The following HECW1 variants were observed in gnomAD, a reference collection of about 807,000 sequenced individuals.
HECW1 encodes the protein E3 ubiquitin-protein ligase HECW1.
In HECW1, 61 loss-of-function variants were observed where a neutral mutation model predicts 182.3. The observed-to-expected ratio is 0.33, with a 90% CI of 0.27 to 0.41. The LOEUF is 0.41. Ranked by LOEUF, HECW1 falls within the 10% of genes least tolerant of loss-of-function variation. The probability of loss-of-function intolerance (pLI) is 1.00; values close to 1 mark genes in which losing one functional copy is unlikely to be tolerated. For missense variants in HECW1, 1,739 were observed against 2,108.9 expected, an observed-to-expected ratio of 0.82 and a Z score of 3.44; for synonymous variants, 859 against 832.6, an observed-to-expected ratio of 1.03 and a Z score of -0.55.
intron 19 of HECW1, among the ~76,000 whole-genome samples, chr7:43,494,506 AT>A (rs5883869): frequency 0.022 from 3,242 of 145,008 alleles, 73 homozygotes; most frequent in African/African-American, 0.061. Context: ...TAAAGTCAAG[AT>A]TTTTTTTTTT....
chr7:43,377,945 T>C (rs1215298674), intron 6 of HECW1: 1 of 184,866 alleles, frequency 5.4e-6, no homozygotes, highest in Non-Finnish European at 1.1e-5. Context: ...TCCAAGGAGG[T>C]TAGTAGACCC....
At chr7:43,508,806 C>A in intron 23 of HECW1, 163 bp from the exon 24 acceptor site, 1 of 679,404 alleles carries the variant, frequency 1.5e-6, no homozygotes, top group Non-Finnish European at 2.6e-6. Flanking sequence ...TCATTTTCTA[C>A]AGCAAATTGA....
At chr7:43,420,042 A>C (rs184177000) in intron 8 of HECW1, among the ~76,000 whole-genome samples, 1 of 152,380 alleles carries the variant, frequency 6.6e-6, no homozygotes, top group Non-Finnish European at 1.5e-5. Context: ...AGGTAAAAAC[A>C]CCTTCAAATA....
intron 8 of HECW1, among the ~76,000 whole-genome samples, chr7:43,434,041 T>TA (rs879556485): frequency 3.2e-4 from 49 of 151,384 alleles, no homozygotes; most frequent in South Asian, 6.3e-4. Flanking sequence ...ATCCTTTTTT[T>TA]TAAAAAAAAA....
chr7:43,226,859 T>C (rs918352854), intron 2 of HECW1, among the ~76,000 whole-genome samples: 1 of 152,200 alleles, frequency 6.6e-6, no homozygotes, highest in East Asian at 1.9e-4. Context: ...CAGGGCAGCC[T>C]GCAGAGGATG....
chr7:43,331,810 T>C (rs1251688867), intron 5 of HECW1, among the ~76,000 whole-genome samples: 1 of 152,118 alleles, frequency 6.6e-6, no homozygotes, highest in African/African-American at 2.4e-5. Context: ...TGGTAGGTGG[T>C]GGAGCTGGGA....
chr7:43,244,830 T>A (rs955115559), intron 3 of HECW1, among the ~76,000 whole-genome samples: 7 of 152,220 alleles, frequency 4.6e-5, no homozygotes, highest in African/African-American at 1.4e-4. Flanking sequence ...CTTTGCAAAT[T>A]TATTAAGCAC....
intron 7 of HECW1, among the ~76,000 whole-genome samples, chr7:43,402,951 T>G (rs1178341233): frequency 1.3e-5 from 2 of 152,236 alleles, no homozygotes; most frequent in Non-Finnish European, 2.9e-5. Context: ...TACAAATATA[T>G]TGGAGACAAC....
chr7:43,113,288 G>A (rs1008890671), intron 1 of HECW1, among the ~76,000 whole-genome samples: 1 of 152,200 alleles, frequency 6.6e-6, no homozygotes, highest in Admixed American at 6.5e-5. Context: ...CAGGGGAGGG[G>A]GCGGAGAGAC....
intron 5 of HECW1, among the ~76,000 whole-genome samples, chr7:43,342,585 C>T (rs974220218): frequency 2.6e-5 from 4 of 151,760 alleles, no homozygotes; most frequent in African/African-American, 2.4e-5. Context: ...TCCATTCCTC[C>T]TTCTAGATAA....
At chr7:43,380,054 C>T (rs184159479) in intron 6 of HECW1, among the ~76,000 whole-genome samples, 2 of 152,182 alleles carry the variant, frequency 1.3e-5, no homozygotes, top group East Asian at 1.9e-4. Context: ...GGCCTTGGGC[C>T]TCAATTTCTC....
chr7:43,511,759 C>T (rs1472729553), intron 24 of HECW1: 1 of 175,374 alleles, frequency 5.7e-6, no homozygotes, highest in Admixed American at 6.3e-5. Flanking sequence ...ACAAACAAAA[C>T]ATGCAGGTTT....
intron 2 of HECW1, among the ~76,000 whole-genome samples, chr7:43,182,390 C>A (rs10215321): frequency 0.23 from 34,379 of 152,146 alleles, 4,137 homozygotes; most frequent in Middle Eastern, 0.26. Flanking sequence ...GTTTTCCCAG[C>A]CCCATTTACT....
At chr7:43,430,300 A>T (rs1381873880) in intron 8 of HECW1, among the ~76,000 whole-genome samples, 1 of 152,138 alleles carries the variant, frequency 6.6e-6, no homozygotes, top group Non-Finnish European at 1.5e-5. Flanking sequence ...GCAATAATGG[A>T]TCCCCTTATT....
At chr7:43,293,710 G>C (rs1019906428) in intron 3 of HECW1, among the ~76,000 whole-genome samples, 2 of 152,150 alleles carry the variant, frequency 1.3e-5, no homozygotes, top group Non-Finnish European at 2.9e-5. Context: ...GTAGGATTTT[G>C]TTTTTTAAAT....
At chr7:43,552,367 G>T in intron 28 of HECW1, 31 bp downstream of exon 28, 1 of 1,248,056 alleles carries the variant, frequency 8.0e-7, no homozygotes, top group Non-Finnish European at 1.2e-6. Flanking sequence ...ATGATGCAAT[G>T]ATCACAAATA....
At chr7:43,190,340 C>T (rs529296721) in intron 2 of HECW1, among the ~76,000 whole-genome samples, 35 of 152,280 alleles carry the variant, frequency 2.3e-4, no homozygotes, top group African/African-American at 7.9e-4. Flanking sequence ...TCTTGAACTC[C>T]TGACCTCATG....
chr7:43,270,653 A>C (rs1241843809), intron 3 of HECW1, among the ~76,000 whole-genome samples: 1 of 152,036 alleles, frequency 6.6e-6, no homozygotes, highest in Non-Finnish European at 1.5e-5. Flanking sequence ...GCTGGCAAAA[A>C]CTCTACCAAA....
chr7:43,242,210 A>G (rs1048352086), intron 2 of HECW1, among the ~76,000 whole-genome samples: 6 of 152,356 alleles, frequency 3.9e-5, no homozygotes, highest in African/African-American at 1.4e-4. Flanking sequence ...TCCTTTTTCA[A>G]TAAAGTGTTC....
Sources: gnomAD v4.1 joint callset for allele counts (sites outside exome capture counted in the v4.1 genomes callset) on GRCh38, gnomAD v4.1.1 for gene constraint, MANE v1.5 for transcripts, NCBI Gene and HGNC (gene_info 2026-07-23, HGNC 2026-07-21) for gene names.